ARHGAP35: variants seen among roughly 807,000 people sequenced by gnomAD.
ARHGAP35 encodes rho GTPase-activating protein 35.
In ARHGAP35, 15 loss-of-function variants were observed where a neutral mutation model predicts 111.1. The ratio of observed to expected loss-of-function variants is 0.13; its 90% confidence interval spans 0.09 to 0.21. ARHGAP35 has a LOEUF of 0.21. ARHGAP35 is among the 10% of genes least tolerant of loss of function. The pLI, the probability that ARHGAP35 is intolerant of heterozygous loss-of-function variation, is 1.00. For missense variants in ARHGAP35, 1,262 were observed against 1,873.0 expected (o/e 0.67, Z 6.02); for synonymous variants, 643 against 710.3 (o/e 0.91, Z 1.51).
chr19:46,879,060 C>T (rs1220986514), intron 1 of ARHGAP35, among the ~76,000 whole-genome samples: 1 of 152,234 alleles, frequency 6.6e-6, no homozygotes, highest in Non-Finnish European at 1.5e-5. Flanking sequence ...CTCTGAAACC[C>T]TGCTGCTACT....
chr19:46,969,966 G>T (rs192418588), intron 3 of ARHGAP35, among the ~76,000 whole-genome samples: 2 of 152,262 alleles, frequency 1.3e-5, no homozygotes, highest in East Asian at 3.9e-4. Flanking sequence ...TCCGCTGCCT[G>T]GCTTCTCTGT....
At chr19:46,967,213 G>A (rs79980776) in intron 3 of ARHGAP35, among the ~76,000 whole-genome samples, 221 of 152,150 alleles carry the variant, frequency 1.5e-3, no homozygotes, top group African/African-American at 5.2e-3. Context: ...CAGCCTTAAG[G>A]TTCAGTTTAA....
At chr19:46,893,882 T>TTC (rs961082874) in intron 1 of ARHGAP35, among the ~76,000 whole-genome samples, 3 of 149,410 alleles carry the variant, frequency 2.0e-5, no homozygotes, top group Non-Finnish European at 4.5e-5. Flanking sequence ...CGTTCGTTCT[T>TTC]TCTCTTTTTT....
chr19:46,872,762 T>C (rs1030348131), intron 1 of ARHGAP35, among the ~76,000 whole-genome samples: 6 of 151,550 alleles, frequency 4.0e-5, no homozygotes, highest in African/African-American at 1.5e-4. Context: ...GCGCCTGTAG[T>C]CCCAGCTACT....
At chr19:46,987,360 C>T (rs1003917492) in intron 3 of ARHGAP35, among the ~76,000 whole-genome samples, 13 of 151,442 alleles carry the variant, frequency 8.6e-5, no homozygotes, top group East Asian at 3.9e-4. Context: ...AGATTACAGG[C>T]GCGCACCACC....
intron 3 of ARHGAP35, among the ~76,000 whole-genome samples, chr19:46,975,819 C>G (rs2056576621): frequency 6.6e-6 from 1 of 152,202 alleles, no homozygotes; most frequent in Admixed American, 6.5e-5. Flanking sequence ...ATCATAGCCA[C>G]CAGTTCCTAG....
intron 1 of ARHGAP35, among the ~76,000 whole-genome samples, chr19:46,888,398 C>T (rs562612732): frequency 7.2e-6 from 1 of 139,776 alleles, no homozygotes; most frequent in Admixed American, 7.5e-5. Flanking sequence ...CTGCTCACAC[C>T]TTCTTAGGCT....
At chr19:46,952,115 A>G (rs574264929) in intron 3 of ARHGAP35, among the ~76,000 whole-genome samples, 2 of 152,214 alleles carry the variant, frequency 1.3e-5, no homozygotes, top group Non-Finnish European at 2.9e-5. Context: ...GAGGTGATGG[A>G]TATCCTAATC....
rs1015762963 is a variant in ARHGAP35 at position 46,926,286 on chromosome 19, C to T, written c.3681+3930C>T. Among the ~76,000 whole-genome samples, 2 of 152,168 alleles carry T rather than the reference C, an allele frequency of 1.3e-5. No homozygotes were observed. The highest frequency in any genetic ancestry group is 4.8e-5 in the African/African-American group (2 of 41,442). ...TTCTGGGTGCTTTTCCCAGCTGAAC[C>T]ATTTAGCAACCCACCCTCATAGTGG... On this transcript the variant is annotated intron_variant, in intron 2 of 6. Transcript: ENST00000672722. The surrounding 1 kb of genome is among the most constrained non-coding windows in gnomAD (Gnocchi z 4.1).
intron 1 of ARHGAP35, among the ~76,000 whole-genome samples, chr19:46,886,796 G>C (rs1382182539): frequency 6.6e-6 from 1 of 152,098 alleles, no homozygotes; most frequent in African/African-American, 2.4e-5. Context: ...TGAAAATGTG[G>C]GAAAGAGGAT....
intron 2 of ARHGAP35, among the ~76,000 whole-genome samples, chr19:46,935,078 A>C (rs2056298940): frequency 6.6e-6 from 1 of 152,194 alleles, no homozygotes; most frequent in Non-Finnish European, 1.5e-5. Context: ...GTTAATTGGC[A>C]TTTCCTTACT....
In ARHGAP35 at chr19:46,999,434, G is replaced by A; in HGVS notation, c.4142+25G>A. 6.8e-7 allele frequency: 1 copy of A among 1,478,856 alleles called. No homozygotes were observed. 91.6% of individuals were successfully genotyped at this position (1,478,856 alleles called of 1,614,324 possible). On this transcript the variant is annotated intron_variant, in intron 6 of 6. Transcript: ENST00000672722. The surrounding 1 kb of genome is among the most constrained non-coding windows in gnomAD (Gnocchi z 5.4). ...AGTAAGTCGCAGGGCCTTCTGGTTG[G>A]TTTTTCCTCCTGAAAATTGACAGCC...
At chr19:46,971,897 G>T (rs776999160) in intron 3 of ARHGAP35, among the ~76,000 whole-genome samples, 22 of 152,188 alleles carry the variant, frequency 1.4e-4, no homozygotes, top group Non-Finnish European at 2.9e-4. Flanking sequence ...CCAATGTTAA[G>T]AACACTGATG....
At chr19:46,974,050 G>A (rs2056567166) in intron 3 of ARHGAP35, among the ~76,000 whole-genome samples, 1 of 152,064 alleles carries the variant, frequency 6.6e-6, no homozygotes, top group African/African-American at 2.4e-5. Flanking sequence ...GAGTGTAATA[G>A]CACAGTTACA....
intron 3 of ARHGAP35, among the ~76,000 whole-genome samples, chr19:46,966,319 C>T (rs114516794): frequency 0.011 from 1,717 of 152,184 alleles, 39 homozygotes; most frequent in African/African-American, 0.039. Context: ...GAAGCTGAAG[C>T]AGGAGGATTG....
chr19:46,994,390 C>T lies in ARHGAP35; in HGVS notation c.4036+4715C>T, dbSNP rs1052306704. Among the ~76,000 whole-genome samples the T allele has an allele frequency of 1.3e-5, 2 of 152,218 alleles. No individual in the cohort carries two copies. The highest frequency in any genetic ancestry group is 2.9e-5 in the Non-Finnish European group (2 of 68,034). On this transcript the variant is annotated intron_variant, in intron 5 of 6. Coordinates refer to ENST00000672722, the MANE Select transcript of ARHGAP35 (RefSeq NM_004491.5). The surrounding 1 kb of genome is among the most constrained non-coding windows in gnomAD (Gnocchi z 5.4). ...CCACACAGACTGTGGCCCCAGCCTT[C>T]GGCAGCACCATAGGGTAGAAGGTGT...
At chr19:46,959,564 T>A (rs952276304) in intron 3 of ARHGAP35, among the ~76,000 whole-genome samples, 8 of 151,440 alleles carry the variant, frequency 5.3e-5, no homozygotes, top group African/African-American at 1.9e-4. Flanking sequence ...TACGCCCAGC[T>A]GATTTTTGTA....
intron 1 of ARHGAP35, among the ~76,000 whole-genome samples, chr19:46,881,958 T>A (rs1291462136): frequency 6.6e-6 from 1 of 152,360 alleles, no homozygotes; most frequent in East Asian, 1.9e-4. Flanking sequence ...GTGGCTACTT[T>A]CCTTAAACCT....
At chr19:46,936,957 AGCCTCCCAAGTAGCTGGGATTACAGGC>A (rs1488979268) in intron 2 of ARHGAP35, among the ~76,000 whole-genome samples, 3 of 150,068 alleles carry the variant, frequency 2.0e-5, no homozygotes, top group Non-Finnish European at 4.4e-5. Flanking sequence ...CTCCTGCCTC[AGCCTCCCAAGTAGCTGGGATTACAGGC>A]GCCCACCACT....
Sources: gnomAD v4.1 joint callset for allele counts (sites outside exome capture counted in the v4.1 genomes callset) on GRCh38, gnomAD v4.1.1 for gene constraint, Gnocchi (gnomAD v3.1) non-coding constraint, MANE v1.5 for transcripts, NCBI Gene and HGNC (gene_info 2026-07-23, HGNC 2026-07-21) for gene names.